The following RBM47 variants were observed in gnomAD, a reference collection of about 807,000 sequenced individuals.
RBM47 encodes RNA binding motif protein 47.
In RBM47, 21 loss-of-function variants were observed where a neutral mutation model predicts 47.1. The ratio of observed to expected loss-of-function variants is 0.45; its 90% CI spans 0.32 to 0.64. The LOEUF is 0.64. Ranked by LOEUF, RBM47 falls within the 30% of genes least tolerant of loss-of-function variation. The pLI, the probability that RBM47 is intolerant of heterozygous loss-of-function variation, is 0.05. For synonymous variants in RBM47, 375 were observed against 361.7 expected (o/e 1.04, Z -0.42); for missense variants, 708 against 870.9 (o/e 0.81, Z 2.35).
rs187605442 is a variant in RBM47, at chr4:40,432,125, A to G, written c.1542+526T>C. 2.4e-4 allele frequency among the ~76,000 whole-genome samples: 36 copies of G among 151,970 alleles called. 1 individual carries two copies. The highest frequency in any genetic ancestry group is 5.2e-4 in the Admixed American group (8 of 15,252). On this transcript the variant is annotated intron_variant, in intron 6 of 6. Transcript: ENST00000295971. ...CATCTTGGCCTCCCTATGTGCTGGGATTACAGGCATGAGCCACTGTACCCA... is the reference window on the plus strand; with the variant it reads ...CATCTTGGCCTCCCTATGTGCTGGGGTTACAGGCATGAGCCACTGTACCCA...
In RBM47 at chr4:40,454,535, T is replaced by A. The variant is rs532769402; in HGVS notation, c.-32+12042A>T. ...TTTTTTGAGATGGAGTCTCACTCTG[T>A]CACCCAGGTTGGAGTGCAGTGGCAC... On this transcript the variant is annotated intron_variant, in intron 3 of 6. Coordinates refer to ENST00000295971, the MANE Select transcript of RBM47 (RefSeq NM_001098634.2). Among the ~76,000 whole-genome samples, 5 of 152,336 alleles carry A rather than the reference T, an allele frequency of 3.3e-5. No individual in the cohort carries two copies. In the East Asian group the frequency reaches 9.6e-4, roughly 29 times the overall value.
chr4:40,450,456 G>A (rs1715235436), intron 3 of RBM47, among the ~76,000 whole-genome samples: 1 of 151,778 alleles, frequency 6.6e-6, no homozygotes, highest in Non-Finnish European at 1.5e-5. Flanking sequence ...ATAAAACTTA[G>A]CCAGGCGTGG....
chr4:40,556,400 G>A (rs1011706609), intron 1 of RBM47, among the ~76,000 whole-genome samples: 1 of 151,730 alleles, frequency 6.6e-6, no homozygotes, highest in Non-Finnish European at 1.5e-5. Context: ...GAAGATTAAG[G>A]TGCAGTAGGT....
In RBM47 at chr4:40,569,661, G is replaced by A. The variant is rs990744927; in HGVS notation, c.-239-25155C>T. Among the ~76,000 whole-genome samples the A allele has an allele frequency of 4.0e-5, 6 of 151,266 alleles. 1 individual carries two copies. The highest frequency in any genetic ancestry group is 7.4e-5 in the Non-Finnish European group (5 of 67,786). On this transcript the variant is annotated intron_variant, in intron 1 of 6. Transcript: ENST00000295971. The stretch of plus-strand genomic sequence containing the variant: ...CCTGACCTGGTGATCCGCCCGCCTT[G>A]GCCTCCCAAAGTGCTGGGATTACAG...
intron 2 of RBM47, among the ~76,000 whole-genome samples, chr4:40,493,306 G>A (rs1023995266): frequency 6.6e-6 from 1 of 152,156 alleles, no homozygotes; most frequent in Non-Finnish European, 1.5e-5. Context: ...GCCATGACAG[G>A]TGGCATTAAG....
At chr4:40,536,924 T>C (rs1481451409) in intron 2 of RBM47, among the ~76,000 whole-genome samples, 1 of 152,102 alleles carries the variant, frequency 6.6e-6, no homozygotes, top group Admixed American at 6.6e-5. Flanking sequence ...ATGAGGGGTT[T>C]CACCATGTTG....
chr4:40,478,012 T>TA (rs1339746135), intron 2 of RBM47, among the ~76,000 whole-genome samples: 1 of 142,016 alleles, frequency 7.0e-6, no homozygotes, highest in African/African-American at 2.6e-5. Context: ...GCATGTTCTT[T>TA]TTTTTTTTTT....
chr4:40,590,975 G>A (rs977159522), intron 1 of RBM47, among the ~76,000 whole-genome samples: 5 of 152,174 alleles, frequency 3.3e-5, no homozygotes, highest in African/African-American at 9.6e-5. Flanking sequence ...GCTAATTTTT[G>A]TATTTTTAGT....
intron 2 of RBM47, among the ~76,000 whole-genome samples, chr4:40,477,712 G>C (rs564628800): frequency 6.6e-6 from 1 of 151,972 alleles, no homozygotes; most frequent in East Asian, 1.9e-4. Context: ...AGACTAAGGG[G>C]GTAAGGAGAG....
chr4:40,610,916 T>C (rs1399578759), intron 1 of RBM47, among the ~76,000 whole-genome samples: 1 of 152,182 alleles, frequency 6.6e-6, no homozygotes, highest in African/African-American at 2.4e-5. Context: ...CCCATGATTA[T>C]GAGAGAACTC....
chr4:40,432,090 G>A (rs1398400747), intron 6 of RBM47, among the ~76,000 whole-genome samples: 3 of 151,896 alleles, frequency 2.0e-5, no homozygotes, highest in African/African-American at 4.8e-5. Flanking sequence ...CTGGCCTCAA[G>A]TGATCCTCCC....
rs113352276 is a variant in RBM47 at position 40,532,013 on chromosome 4, C to CT, written c.-155+12408dup. On this transcript the variant is annotated intron_variant, in intron 2 of 6. Coordinates refer to ENST00000295971, the MANE Select transcript of RBM47 (RefSeq NM_001098634.2). ...ATCAATCTCTCTCTTTTTTTTTTAT[C>CT]TTTTTTTTTTTTTTTGAGATGGAGT... Among the ~76,000 whole-genome samples, 813 of 140,328 alleles carry CT rather than the reference C, an allele frequency of 5.8e-3. 7 individuals carry two copies. Among genetic ancestry groups the CT allele is most frequent in the African/African-American group, 0.015 (569 of 38,564 alleles). 92.1% of individuals were successfully genotyped at this position (140,328 alleles called of 152,430 possible). A position where few individuals can be genotyped will look rare whatever the true frequency, so the allele number is the denominator to read the frequency against.
At chr4:40,430,110 G>A (rs915246553) in intron 6 of RBM47, among the ~76,000 whole-genome samples, 5 of 152,034 alleles carry the variant, frequency 3.3e-5, no homozygotes, top group African/African-American at 1.2e-4. Flanking sequence ...CCGGAGAATC[G>A]CCTGAACCTG....
chr4:40,453,221 G>A (rs535405510), intron 3 of RBM47, among the ~76,000 whole-genome samples: 1 of 152,050 alleles, frequency 6.6e-6, no homozygotes, highest in South Asian at 2.1e-4. Flanking sequence ...GCTAGAAATG[G>A]GTGGGAGGGA....
At chr4:40,610,664 G>A (rs906537015) in intron 1 of RBM47, among the ~76,000 whole-genome samples, 1 of 151,140 alleles carries the variant, frequency 6.6e-6, no homozygotes, top group East Asian at 1.9e-4. Context: ...CATGCTATGT[G>A]ACATGGTTTG....
intron 1 of RBM47, among the ~76,000 whole-genome samples, chr4:40,581,338 C>T (rs1732897264): frequency 1.3e-5 from 2 of 151,854 alleles, no homozygotes; most frequent in Admixed American, 1.3e-4. Flanking sequence ...GGGAAGATCC[C>T]TTGAGTCCGG....
At chr4:40,429,488 C>G (rs1715555433) in intron 6 of RBM47, among the ~76,000 whole-genome samples, 1 of 151,682 alleles carries the variant, frequency 6.6e-6, no homozygotes, top group South Asian at 2.1e-4. Flanking sequence ...AAGGGGGGAC[C>G]AGTATACAAT....
intron 1 of RBM47, among the ~76,000 whole-genome samples, chr4:40,617,678 T>C (rs1736876828): frequency 6.6e-6 from 1 of 150,914 alleles, no homozygotes. Context: ...TATACTAATG[T>C]GATTGAATAT....
At chr4:40,499,609 C>T (rs1298223120) in intron 2 of RBM47, among the ~76,000 whole-genome samples, 1 of 152,098 alleles carries the variant, frequency 6.6e-6, no homozygotes, top group Non-Finnish European at 1.5e-5. Flanking sequence ...GGGGTTTCAC[C>T]GTGTTGGCCA....
Sources: gnomAD v4.1 joint callset for allele counts (sites outside exome capture counted in the v4.1 genomes callset) on GRCh38, gnomAD v4.1.1 for gene constraint, MANE v1.5 for transcripts, NCBI Gene and HGNC (gene_info 2026-07-23, HGNC 2026-07-21) for gene names.